CNTN5: variants seen among roughly 807,000 people sequenced by gnomAD.
The protein encoded by CNTN5 is contactin-5.
CNTN5 carries 77 observed loss-of-function variants against 129.1 expected under a neutral mutation model. The ratio of observed to expected loss-of-function variants is 0.60; its 90% CI spans 0.50 to 0.72. The LOEUF (loss-of-function observed/expected upper bound fraction) is 0.72. CNTN5 is among the 30% of genes least tolerant of loss of function. The pLI, the probability that CNTN5 is intolerant of heterozygous loss-of-function variation, is 0.00. For missense variants in CNTN5, 1,478 were observed against 1,328.8 expected (o/e 1.11, Z -1.75); for synonymous variants, 509 against 465.6 (o/e 1.09, Z -1.20).
At chr11:99,962,926 T>G (rs565171186) in intron 8 of CNTN5, among the ~76,000 whole-genome samples, 2 of 150,968 alleles carry the variant, frequency 1.3e-5, no homozygotes, top group East Asian at 1.9e-4. Context: ...GAGCATTTTT[T>G]CATGTGTTTT....
At chr11:99,600,019 G>A (rs1036882048) in intron 3 of CNTN5, among the ~76,000 whole-genome samples, 2 of 152,052 alleles carry the variant, frequency 1.3e-5, no homozygotes, top group Non-Finnish European at 2.9e-5. Context: ...GAACTGATAC[G>A]AGGATGAAGA....
chr11:99,815,352 C>G (rs1197871901), intron 3 of CNTN5, among the ~76,000 whole-genome samples: 2 of 150,948 alleles, frequency 1.3e-5, no homozygotes, highest in Non-Finnish European at 3.0e-5. Flanking sequence ...TGAGAATCCT[C>G]AGAACTAAGA....
At chr11:99,052,750 GA>G (rs1274920491) in intron 1 of CNTN5, among the ~76,000 whole-genome samples, 5 of 151,862 alleles carry the variant, frequency 3.3e-5, no homozygotes, top group African/African-American at 4.8e-5. Flanking sequence ...ATGAAGAGTG[GA>G]AAGTATTGAT....
intron 3 of CNTN5, among the ~76,000 whole-genome samples, chr11:99,626,171 G>T (rs1260933407): frequency 6.6e-6 from 1 of 151,884 alleles, no homozygotes; most frequent in Non-Finnish European, 1.5e-5. Flanking sequence ...ATGCACAGAG[G>T]GTGACATTGA....
intron 17 of CNTN5, among the ~76,000 whole-genome samples, chr11:100,264,608 A>C (rs1950264331): frequency 6.6e-6 from 1 of 152,124 alleles, no homozygotes; most frequent in Non-Finnish European, 1.5e-5. Flanking sequence ...TATATGTGCC[A>C]CATTTCCTTT....
intron 2 of CNTN5, among the ~76,000 whole-genome samples, chr11:99,425,004 C>G (rs1565571299): frequency 6.6e-6 from 1 of 152,142 alleles, no homozygotes; most frequent in African/African-American, 2.4e-5. Flanking sequence ...AGAGGAAACC[C>G]ATAGTGGGTA....
chr11:99,177,443 A>T (rs1219254641), intron 1 of CNTN5, among the ~76,000 whole-genome samples: 1 of 152,262 alleles, frequency 6.6e-6, no homozygotes, highest in African/African-American at 2.4e-5. Context: ...AAATAGGGCT[A>T]TTGCTATCAC....
chr11:99,827,092 GT>G (rs1261418104), intron 4 of CNTN5, among the ~76,000 whole-genome samples: 1 of 151,970 alleles, frequency 6.6e-6, no homozygotes, highest in Non-Finnish European at 1.5e-5. Context: ...TTTTGTTTTT[GT>G]TTGTTTTAAT....
chr11:99,676,094 T>G (rs1953270196), intron 3 of CNTN5, among the ~76,000 whole-genome samples: 1 of 152,176 alleles, frequency 6.6e-6, no homozygotes, highest in Non-Finnish European at 1.5e-5. Flanking sequence ...AACTATGAAG[T>G]GTCCAACATG....
intron 9 of CNTN5, among the ~76,000 whole-genome samples, chr11:100,054,959 T>C (rs528470716): frequency 3.9e-4 from 40 of 102,096 alleles, no homozygotes; most frequent in African/African-American, 1.5e-3. Context: ...AACAAAAGAG[T>C]AGAGAGTCAT....
intron 21 of CNTN5, among the ~76,000 whole-genome samples, chr11:100,339,275 A>G (rs1215438467): frequency 1.3e-5 from 2 of 152,038 alleles, no homozygotes; most frequent in East Asian, 1.9e-4. Context: ...CTGGTGTCCA[A>G]GAAGAATGAG....
At chr11:99,985,847 A>T (rs953001511) in intron 8 of CNTN5, among the ~76,000 whole-genome samples, 1 of 152,174 alleles carries the variant, frequency 6.6e-6, no homozygotes, top group Non-Finnish European at 1.5e-5. Flanking sequence ...CCATATATAC[A>T]TCAATGATCC....
At chr11:100,337,101 A>C in intron 21 of CNTN5, 3 of 1,373,214 alleles carry the variant, frequency 2.2e-6, no homozygotes, top group Non-Finnish European at 3.1e-6. Context: ...TCAGACATGC[A>C]GAGAAGACTT....
At chr11:99,737,144 A>AACACACAC (rs138644247) in intron 3 of CNTN5, among the ~76,000 whole-genome samples, 1 of 143,198 alleles carries the variant, frequency 7.0e-6, no homozygotes, top group African/African-American at 2.8e-5. Flanking sequence ...CACACACACA[A>AACACACAC]ACACACACAC....
chr11:99,731,217 C>G (rs924544057), intron 3 of CNTN5, among the ~76,000 whole-genome samples: 2 of 151,978 alleles, frequency 1.3e-5, no homozygotes, highest in Non-Finnish European at 2.9e-5. Flanking sequence ...ACGCCATTCT[C>G]CTGCCTCAGC....
At chr11:99,965,804 A>G (rs1405249184) in intron 8 of CNTN5, among the ~76,000 whole-genome samples, 1 of 152,124 alleles carries the variant, frequency 6.6e-6, no homozygotes, top group Non-Finnish European at 1.5e-5. Flanking sequence ...GTCTCTTTCT[A>G]GGTCTCTAAG....
intron 3 of CNTN5, among the ~76,000 whole-genome samples, chr11:99,655,278 G>A (rs1952311738): frequency 6.6e-6 from 1 of 152,120 alleles, no homozygotes; most frequent in Admixed American, 6.6e-5. Context: ...GGAACAATGT[G>A]GATGTGAACA....
intron 13 of CNTN5, among the ~76,000 whole-genome samples, chr11:100,107,773 A>T (rs1471392535): frequency 6.6e-6 from 1 of 151,994 alleles, no homozygotes; most frequent in African/African-American, 2.4e-5. Flanking sequence ...AGTAAAAGAA[A>T]ATTCTTATTT....
intron 7 of CNTN5, among the ~76,000 whole-genome samples, chr11:99,929,738 C>A (rs2136070114): frequency 6.6e-6 from 1 of 152,256 alleles, no homozygotes; most frequent in East Asian, 1.9e-4. Context: ...CCTCCTAAGA[C>A]ATGTGGAGAT....
Sources: gnomAD v4.1 joint callset for allele counts (sites outside exome capture counted in the v4.1 genomes callset) on GRCh38, gnomAD v4.1.1 for gene constraint, MANE v1.5 for transcripts, NCBI Gene and HGNC (gene_info 2026-07-23, HGNC 2026-07-21) for gene names.